Variants in PRKCB observed in about 807,000 individuals in gnomAD.
The protein encoded by PRKCB is protein kinase C beta.
A neutral mutation model predicts 81.5 loss-of-function variants in PRKCB; 13 were observed. The ratio of observed to expected loss-of-function variants is 0.16; its 90% CI spans 0.10 to 0.25. The LOEUF (loss-of-function observed/expected upper bound fraction) is 0.25, where lower values mean the gene tolerates loss of function less well. PRKCB is among the 10% of genes least tolerant of loss of function. The pLI, the probability that PRKCB is intolerant of heterozygous loss-of-function variation, is 1.00. For missense variants in PRKCB, 509 were observed against 875.7 expected, an observed-to-expected ratio of 0.58 and a Z score of 5.29; for synonymous variants, 335 against 321.4, an observed-to-expected ratio of 1.04 and a Z score of -0.45.
intron 5 of PRKCB, among the ~76,000 whole-genome samples, chr16:24,063,281 C>T (rs1033884438): frequency 2.6e-5 from 4 of 151,598 alleles, no homozygotes; most frequent in Admixed American, 6.6e-5. Flanking sequence ...TTTCTGCTTG[C>T]GCCTATCCTG....
At chr16:24,096,652 C>CAAAAA (rs1219127854) in intron 7 of PRKCB, among the ~76,000 whole-genome samples, 2 of 41,812 alleles carry the variant, frequency 4.8e-5, no homozygotes, top group African/African-American at 1.8e-4. Flanking sequence ...CTTCCTATGG[C>CAAAAA]AAAAAAAAAA....
chr16:24,100,682 C>T (rs1388549295), intron 7 of PRKCB, among the ~76,000 whole-genome samples: 1 of 152,232 alleles, frequency 6.6e-6, no homozygotes, highest in African/African-American at 2.4e-5. Flanking sequence ...GGGGCTTCTC[C>T]TACAATCACC....
At chr16:23,982,074 C>CTTCCCTTTCCCT (rs1964733433) in intron 2 of PRKCB, among the ~76,000 whole-genome samples, 1 of 72,772 alleles carries the variant, frequency 1.4e-5, no homozygotes, top group Non-Finnish European at 2.6e-5. Context: ...TTCTCTTTCC[C>CTTCCCTTTCCCT]TTCCCTTTCC....
rs143123027 is a variant in PRKCB at position 23,900,886 on chromosome 16, C to G, written c.205+63480C>G. Among the ~76,000 whole-genome samples, 4 of 152,102 alleles carry G rather than the reference C, an allele frequency of 2.6e-5. No individual in the cohort carries two copies. In the East Asian group the frequency reaches 7.7e-4, roughly 29 times the overall value. ...GCAAGTACGTCTGTAATCCAAAATC[C>G]TGCAAGAGGAATTTCTAGGTTAAGA... On this transcript the variant is annotated intron_variant, in intron 2 of 16. Coordinates refer to ENST00000643927, the MANE Select transcript of PRKCB (RefSeq NM_002738.7).
chr16:24,138,667 C>T (rs1966874139), intron 9 of PRKCB, among the ~76,000 whole-genome samples: 1 of 151,980 alleles, frequency 6.6e-6, no homozygotes, highest in South Asian at 2.1e-4. Context: ...ACTGAATTAC[C>T]ATGCCATACC....
At chr16:24,156,702 C>T (rs1341316814) in intron 10 of PRKCB, among the ~76,000 whole-genome samples, 1 of 152,198 alleles carries the variant, frequency 6.6e-6, no homozygotes, top group Admixed American at 6.5e-5. Flanking sequence ...GTACACCTAA[C>T]CTTACTAGTC....
chr16:23,951,781 G>T (rs1253940594), intron 2 of PRKCB, among the ~76,000 whole-genome samples: 1 of 151,468 alleles, frequency 6.6e-6, no homozygotes, highest in Non-Finnish European at 1.5e-5. Flanking sequence ...GCCAATCCGT[G>T]ATTTAGTCTA....
intron 12 of PRKCB, among the ~76,000 whole-genome samples, chr16:24,175,137 G>A (rs886631876): frequency 1.3e-5 from 2 of 152,016 alleles, no homozygotes; most frequent in African/African-American, 4.8e-5. Flanking sequence ...CAAGGCAGAC[G>A]ATTGCACCCG....
rs1472362217 is a variant in PRKCB, at chr16:23,856,126, T to A, written c.205+18720T>A. The stretch of plus-strand genomic sequence containing the variant: ...GCACTGGAATATCATGGACAGAGAG[T>A]CCTAATCTGACTAGGCCTAGGGAAT... On this transcript the variant is annotated intron_variant, in intron 2 of 16. Transcript: ENST00000643927. Among the ~76,000 whole-genome samples, 4 of 152,206 alleles carry A rather than the reference T, an allele frequency of 2.6e-5. No individual in the cohort carries two copies. The East Asian group carries it at 7.7e-4, about 29-fold the overall frequency.
intron 10 of PRKCB, among the ~76,000 whole-genome samples, chr16:24,157,576 C>G (rs1308137144): frequency 6.6e-6 from 1 of 151,470 alleles, no homozygotes; most frequent in Non-Finnish European, 1.5e-5. Context: ...AACCCCTTTC[C>G]TTTATAAATT....
chr16:24,005,521 C>T (rs113445134), intron 3 of PRKCB, among the ~76,000 whole-genome samples: 1,614 of 152,228 alleles, frequency 0.011, 16 homozygotes, highest in Middle Eastern at 0.058. Flanking sequence ...GCGGTTCCGG[C>T]GTAATCGGGA....
intron 2 of PRKCB, among the ~76,000 whole-genome samples, chr16:23,886,089 T>C (rs1963194307): frequency 6.6e-6 from 1 of 152,180 alleles, no homozygotes; most frequent in South Asian, 2.1e-4. Context: ...GAAACTGAGG[T>C]CCTAAGAGGT....
chr16:24,000,189 C>G (rs1025116927), intron 3 of PRKCB, among the ~76,000 whole-genome samples: 3 of 152,198 alleles, frequency 2.0e-5, no homozygotes, highest in Non-Finnish European at 2.9e-5. Context: ...TATTGCAGAT[C>G]CTGTTAACCC....
intron 2 of PRKCB, among the ~76,000 whole-genome samples, chr16:23,967,762 C>G (rs1331927156): frequency 2.6e-5 from 4 of 152,156 alleles, no homozygotes; most frequent in African/African-American, 9.7e-5. Context: ...AAGAGATTCT[C>G]CTGCCTCAGC....
intron 8 of PRKCB, among the ~76,000 whole-genome samples, chr16:24,115,561 C>T (rs1966728096): frequency 6.6e-6 from 1 of 151,644 alleles, no homozygotes; most frequent in African/African-American, 2.4e-5. Context: ...AAGTATTTAT[C>T]CCGATGATTT....
chr16:24,045,331 T>C (rs2141865229), intron 5 of PRKCB, among the ~76,000 whole-genome samples: 1 of 152,266 alleles, frequency 6.6e-6, no homozygotes, highest in South Asian at 2.1e-4. Context: ...GCTTCCATCT[T>C]GTGTAGCATC....
intron 2 of PRKCB, among the ~76,000 whole-genome samples, chr16:23,959,367 G>A (rs1228164081): frequency 6.6e-6 from 1 of 152,192 alleles, no homozygotes; most frequent in Non-Finnish European, 1.5e-5. Context: ...GTGGAAGGGG[G>A]CATTTCTGAC....
chr16:23,982,137 T>C (rs147526991), intron 2 of PRKCB, among the ~76,000 whole-genome samples: 1,018 of 17,338 alleles, frequency 0.059, 1 homozygote, highest in South Asian at 0.11. Context: ...CCCTTCCCTT[T>C]CCCTTCCCTT....
chr16:23,952,453 G>A (rs117887463), intron 2 of PRKCB, among the ~76,000 whole-genome samples: 1,844 of 152,322 alleles, frequency 0.012, 21 homozygotes, highest in Non-Finnish European at 0.018. Context: ...GTGGGTGCTG[G>A]GGGCTGCATA....
Sources: gnomAD v4.1 joint callset for allele counts (sites outside exome capture counted in the v4.1 genomes callset) on GRCh38, gnomAD v4.1.1 for gene constraint, MANE v1.5 for transcripts, NCBI Gene and HGNC (gene_info 2026-07-23, HGNC 2026-07-21) for gene names.